CSRNP2: variants seen among roughly 807,000 people sequenced by gnomAD.
CSRNP2 encodes cysteine and serine rich nuclear protein 2, also known as cysteine/serine-rich nuclear protein 2.
A neutral mutation model predicts 36.6 loss-of-function variants in CSRNP2; 11 were observed. That is an observed-to-expected ratio of 0.30 (90% CI 0.19 to 0.50). CSRNP2 has a LOEUF of 0.50. CSRNP2 is among the 20% of genes least tolerant of loss of function. The pLI is 0.98. For synonymous variants in CSRNP2, 248 were observed against 275.3 expected, an observed-to-expected ratio of 0.90 and a Z score of 0.98; for missense variants, 483 against 691.4, an observed-to-expected ratio of 0.70 and a Z score of 3.38.
chr12:51,081,825 C>A (rs1343774), intron 1 of CSRNP2, among the ~76,000 whole-genome samples: 1 of 149,010 alleles, frequency 6.7e-6, no homozygotes, highest in Non-Finnish European at 1.5e-5. Flanking sequence ...CCAAAACAAA[C>A]AAACAAACAA....
At chr12:51,079,976 G>A (rs1285700391) in intron 1 of CSRNP2, among the ~76,000 whole-genome samples, 2 of 148,442 alleles carry the variant, frequency 1.3e-5, no homozygotes, top group Admixed American at 1.4e-4. Flanking sequence ...AGGAGGCTGA[G>A]GCAGGAGAAT....
At chr12:51,074,186 C>T in intron 2 of CSRNP2, 104 bp from the exon 3 acceptor site, 5 of 1,308,566 alleles carry the variant, frequency 3.8e-6, no homozygotes, top group East Asian at 2.6e-5. Context: ...GGCACTGTCT[C>T]GGCTCACTGC....
chr12:51,063,879 T>C lies in CSRNP2; in HGVS notation c.1499A>G (p.His500Arg). The stretch of plus-strand genomic sequence containing the variant: ...GAGGCTTGAGGGGGACCAGGAAGGG[T>C]GGAAGTCTTCATTTTCAGGCTCCTC... ...NPEEPENEDF[H>R]PSWSPSSLPF... The change falls in exon 5 of 5, where the codon CAC becomes CGC. Residue 500 changes from histidine to arginine, a missense_variant. His to Arg is a conservative substitution (Grantham distance 29). Coordinates refer to ENST00000228515, the MANE Select transcript of CSRNP2 (RefSeq NM_030809.3). The C allele has an allele frequency of 6.2e-7, 1 of 1,613,968 alleles. No homozygotes were observed. Among genetic ancestry groups the C allele is most frequent in the Non-Finnish European group, 8.5e-7 (1 of 1,179,950 alleles).
intron 1 of CSRNP2, among the ~76,000 whole-genome samples, chr12:51,081,741 C>T (rs1017498553): frequency 6.6e-6 from 1 of 152,040 alleles, no homozygotes; most frequent in Non-Finnish European, 1.5e-5. Flanking sequence ...ACCTAATAAA[C>T]AGTTCCACCA....
chr12:51,065,996 G>A (rs1938197510), intron 4 of CSRNP2, among the ~76,000 whole-genome samples: 1 of 152,174 alleles, frequency 6.6e-6, no homozygotes. Flanking sequence ...GTTTTCAACT[G>A]AAATGTGTCT....
At chr12:51,064,754 G>T in intron 4 of CSRNP2, 85 bp from the exon 5 acceptor site, 1 of 1,252,828 alleles carries the variant, frequency 8.0e-7, no homozygotes, top group Non-Finnish European at 1.1e-6. Flanking sequence ...CAAACAGGCA[G>T]TTGGGATTTG....
In CSRNP2 at chr12:51,064,015, GGA is replaced by G. The variant is rs756133167; in HGVS notation, c.1361_1362del (p.Leu454ProfsTer9). On this transcript the variant is annotated frameshift_variant, in exon 5 of 5. Transcript: ENST00000228515. LOFTEE classifies it high-confidence loss of function. ...PKEKDLNVFS[L>X]PVTSLVACSS... ...CTACAAGCCACGAGTGAGGTAACAGGGAGAGAGAAGACATTCAGATCCTTCTC... is the reference window on the plus strand; with the variant it reads ...CTACAAGCCACGAGTGAGGTAACAGGGAGAGAAGACATTCAGATCCTTCTC... 6.2e-7 allele frequency: 1 copy of G among 1,614,210 alleles called. No homozygotes were observed. Among genetic ancestry groups the G allele is most frequent in the Non-Finnish European group, 8.5e-7 (1 of 1,180,026 alleles).
chr12:51,069,326 C>T (rs1445529380), intron 3 of CSRNP2, among the ~76,000 whole-genome samples: 2 of 136,464 alleles, frequency 1.5e-5, no homozygotes, highest in African/African-American at 5.7e-5. Context: ...GTCTCACTGT[C>T]GCTCAGGATG....
Position 51,063,697 on chromosome 12 carries a change from A to AT in CSRNP2, c.*48dup. ...TTGTTTTGAAATGGTGTTAGATAAA[A>AT]TAAGGGAATAAATAGAGAATGGGTA... On this transcript the variant is annotated 3_prime_UTR_variant, in exon 5 of 5. Coordinates refer to ENST00000228515, the MANE Select transcript of CSRNP2 (RefSeq NM_030809.3). The AT allele has an allele frequency of 1.4e-6, 2 of 1,390,136 alleles. No individual in the cohort carries two copies. The highest frequency in any genetic ancestry group is 1.9e-6 in the Non-Finnish European group (2 of 1,041,368). The allele number at this position is 1,390,136 out of a possible 1,614,324, so 86.1% of individuals were successfully genotyped here. A position where few individuals can be genotyped will look rare whatever the true frequency, so the allele number is the denominator to read the frequency against.
At chr12:51,071,724 G>T (rs1939167581) in intron 3 of CSRNP2, among the ~76,000 whole-genome samples, 1 of 152,220 alleles carries the variant, frequency 6.6e-6, no homozygotes, top group South Asian at 2.1e-4. Context: ...CCTGTAAGTG[G>T]AGAACACAGA....
intron 3 of CSRNP2, among the ~76,000 whole-genome samples, chr12:51,071,838 AAC>A (rs1221575666): frequency 6.6e-6 from 1 of 152,134 alleles, no homozygotes; most frequent in Non-Finnish European, 1.5e-5. Context: ...AATTGATGAG[AAC>A]AGTGTTTATT....
At chr12:51,069,416 A>G (rs1247505033) in intron 3 of CSRNP2, among the ~76,000 whole-genome samples, 2 of 147,522 alleles carry the variant, frequency 1.4e-5, no homozygotes, top group African/African-American at 5.2e-5. Context: ...CCTTCCAAGT[A>G]GCTGGAATTA....
intron 1 of CSRNP2, chr12:51,082,551 A>G (rs1250770521): frequency 6.6e-6 from 1 of 152,206 alleles, no homozygotes; most frequent in Admixed American, 6.5e-5. Context: ...ACAAGGGGAC[A>G]GTGTTGTCTT....
intron 2 of CSRNP2, among the ~76,000 whole-genome samples, chr12:51,074,649 T>C (rs993161709): frequency 2.0e-4 from 30 of 152,200 alleles, no homozygotes; most frequent in Admixed American, 2.0e-3. Context: ...TTTTTAGACA[T>C]CAGCTGGGAA....
At chr12:51,069,911 A>G (rs1938933398) in intron 3 of CSRNP2, among the ~76,000 whole-genome samples, 1 of 151,902 alleles carries the variant, frequency 6.6e-6, no homozygotes, top group Admixed American at 6.6e-5. Context: ...TGTGTTAGCC[A>G]GGATGGTCTT....
Position 51,073,959 on chromosome 12 carries a change from G to C in CSRNP2, c.275C>G (p.Ser92Cys), listed in dbSNP as rs370494067. ...FTSVPSQGGS[S>C]LGMAQRHNSV... ...GTTATGGCGCTGGGCCATGCCCAGA[G>C]AGCTACCACCCTGGCTGGGCACACT... The change falls in exon 3 of 5, where the codon TCT becomes TGT. Residue 92 changes from serine (S) to cysteine (C), a missense_variant. Ser to Cys is a moderately radical substitution (Grantham distance 112). Coordinates refer to ENST00000228515, the MANE Select transcript of CSRNP2 (RefSeq NM_030809.3). 7.4e-6 allele frequency: 12 copies of C among 1,614,042 alleles called. No homozygotes were observed. The highest frequency in any genetic ancestry group is 1.3e-5 in the African/African-American group (1 of 74,914).
intron 2 of CSRNP2, among the ~76,000 whole-genome samples, chr12:51,074,920 C>T (rs1032638288): frequency 5.9e-5 from 9 of 151,924 alleles, no homozygotes; most frequent in African/African-American, 2.4e-5. Flanking sequence ...CAAAAATTAG[C>T]TGGGCATGGT....
At chr12:51,073,130 G>A (rs1322170798) in intron 3 of CSRNP2, among the ~76,000 whole-genome samples, 1 of 152,030 alleles carries the variant, frequency 6.6e-6, no homozygotes, top group African/African-American at 2.4e-5. Flanking sequence ...GAGATTGGCA[G>A]ATGGCTTGAG....
At chr12:51,069,293 T>C (rs1486562495) in intron 3 of CSRNP2, among the ~76,000 whole-genome samples, 4 of 149,188 alleles carry the variant, frequency 2.7e-5, no homozygotes, top group African/African-American at 7.4e-5. Flanking sequence ...CTTTCTTTTT[T>C]TTTTTTTTTT....
Sources: gnomAD v4.1 joint callset for allele counts (sites outside exome capture counted in the v4.1 genomes callset) on GRCh38, gnomAD v4.1.1 for gene constraint, MANE v1.5 for transcripts, NCBI Gene and HGNC (gene_info 2026-07-23, HGNC 2026-07-21) for gene names.